Variants in DMXL1 observed in about 807,000 individuals in gnomAD.
The protein encoded by DMXL1 is dmX-like protein 1.
A neutral mutation model predicts 319.2 loss-of-function variants in DMXL1; 99 were observed. The observed-to-expected ratio is 0.31, with a 90% CI of 0.26 to 0.37. The LOEUF (loss-of-function observed/expected upper bound fraction) is 0.37, where lower values mean the gene tolerates loss of function less well. Among genes scored for constraint, DMXL1 ranks in the 10% least tolerant of loss-of-function variants. The pLI is 1.00. For missense variants in DMXL1, 3,745 were observed against 3,595.6 expected, an observed-to-expected ratio of 1.04 and a Z score of -1.06; for synonymous variants, 1,385 against 1,235.2, an observed-to-expected ratio of 1.12 and a Z score of -2.54.
Position 119,096,471 on chromosome 5 carries a change from C to T in DMXL1, c.88-1508C>T, listed in dbSNP as rs566492630. ...GATTACAGGCATGAGCCACCATGCC[C>T]AGCCTGAAGTATAATTTTTAAATAT... On this transcript the variant is annotated intron_variant, in intron 1 of 43. Coordinates refer to ENST00000539542, the MANE Select transcript of DMXL1 (RefSeq NM_001290321.3). Among the ~76,000 whole-genome samples, 3 of 152,274 alleles carry T rather than the reference C, an allele frequency of 2.0e-5. No individual in the cohort carries two copies. In the East Asian group the frequency reaches 5.8e-4, roughly 29 times the overall value.
At chr5:119,195,137 A>C (rs1292695802) in intron 30 of DMXL1, among the ~76,000 whole-genome samples, 3 of 152,304 alleles carry the variant, frequency 2.0e-5, no homozygotes, top group East Asian at 3.9e-4. Flanking sequence ...ATCTTTGTGC[A>C]CTTTTGGTGG....
At chr5:119,191,546 G>A (rs966197255) in intron 29 of DMXL1, among the ~76,000 whole-genome samples, 3 of 152,066 alleles carry the variant, frequency 2.0e-5, no homozygotes, top group African/African-American at 7.3e-5. Flanking sequence ...GGAGAGTTTT[G>A]CTGGATATAG....
At chr5:119,150,505 T>G (rs970489255) in intron 18 of DMXL1, 84 bp downstream of exon 18, 2 of 1,423,152 alleles carry the variant, frequency 1.4e-6, no homozygotes, top group South Asian at 3.0e-5. Flanking sequence ...AATGATGCCA[T>G]TGGCTAGGCA....
intron 28 of DMXL1, among the ~76,000 whole-genome samples, chr5:119,185,777 A>T (rs1777604061): frequency 6.6e-6 from 1 of 152,022 alleles, no homozygotes; most frequent in Non-Finnish European, 1.5e-5. Flanking sequence ...TGCTGGGATT[A>T]CAGGCATGAT....
chr5:119,107,167 T>C (rs1758537750), intron 4 of DMXL1, among the ~76,000 whole-genome samples: 1 of 151,946 alleles, frequency 6.6e-6, no homozygotes, highest in Non-Finnish European at 1.5e-5. Context: ...GGAGACTCCA[T>C]CTCTACAAAA....
intron 13 of DMXL1, among the ~76,000 whole-genome samples, chr5:119,140,788 G>T (rs958515774): frequency 1.3e-5 from 2 of 151,940 alleles, no homozygotes; most frequent in African/African-American, 4.8e-5. Context: ...CCAAAACCTG[G>T]CAGACACACA....
intron 14 of DMXL1, 60 bp downstream of exon 14, chr5:119,143,990 T>C: frequency 9.5e-7 from 1 of 1,054,226 alleles, no homozygotes; most frequent in Non-Finnish European, 1.4e-6. Context: ...GCATTTTGCA[T>C]AAAATCTATA....
At chr5:119,145,330 T>G (rs1768272719) in intron 15 of DMXL1, among the ~76,000 whole-genome samples, 1 of 151,784 alleles carries the variant, frequency 6.6e-6, no homozygotes, top group South Asian at 2.1e-4. Flanking sequence ...CATTTTTCTT[T>G]TATGAGAAGT....
intron 19 of DMXL1, among the ~76,000 whole-genome samples, chr5:119,152,837 G>A (rs577319699): frequency 1.3e-5 from 2 of 152,114 alleles, no homozygotes; most frequent in Non-Finnish European, 2.9e-5. Context: ...TAGCCTTTTA[G>A]CCTCTGCTCC....
chr5:119,133,777 A>G lies in DMXL1; in HGVS notation c.1853A>G (p.Glu618Gly), dbSNP rs764458029. 1 of 1,614,116 alleles carries G rather than the reference A, an allele frequency of 6.2e-7. No individual in the cohort carries two copies. Residue 618 changes from glutamate to glycine, a missense_variant, in exon 12 of 44, where the codon GAA becomes GGA. Coordinates refer to ENST00000539542, the MANE Select transcript of DMXL1 (RefSeq NM_001290321.3). ...LNQWLVSFAEESAFSTVLSIS... is the reference protein window; with the variant it reads ...LNQWLVSFAEGSAFSTVLSIS... ...CAGTGGCTGGTCAGTTTTGCCGAGG[A>G]ATCTGCTTTTTCTACTGTTCTCAGT...
intron 26 of DMXL1, among the ~76,000 whole-genome samples, chr5:119,176,020 C>A (rs73242978): frequency 0.085 from 12,956 of 151,988 alleles, 1,711 homozygotes; most frequent in African/African-American, 0.28. Context: ...TAACTTTCCC[C>A]TCCTATATTC....
intron 1 of DMXL1, 21 bp downstream of exon 1, chr5:119,071,677 C>G: frequency 1.9e-6 from 3 of 1,565,492 alleles, no homozygotes; most frequent in Non-Finnish European, 1.7e-6. Flanking sequence ...GAGGCCCTCG[C>G]GTCGCCCGTG....
intron 5 of DMXL1, 37 bp downstream of exon 5, chr5:119,110,320 G>T (rs1580752818): frequency 6.8e-7 from 1 of 1,477,042 alleles, no homozygotes; most frequent in African/African-American, 1.5e-5. Context: ...TGATAAACCT[G>T]TTGTTCTATG....
intron 13 of DMXL1, 64 bp downstream of exon 13, chr5:119,134,453 A>G: frequency 1.5e-6 from 2 of 1,358,152 alleles, no homozygotes; most frequent in Middle Eastern, 2.6e-4. Context: ...GTTTATATTT[A>G]TTGGGCATGT....
At chr5:119,202,885 T>TATATATATATATATATATATTTATA (rs1554139437) in intron 32 of DMXL1, among the ~76,000 whole-genome samples, 2 of 130,792 alleles carry the variant, frequency 1.5e-5, no homozygotes, top group Admixed American at 8.0e-5. Flanking sequence ...ATATATATTT[T>TATATATATATATATATATATTTATA]TATATATATA....
intron 25 of DMXL1, among the ~76,000 whole-genome samples, chr5:119,173,852 A>G (rs1342891114): frequency 6.9e-6 from 1 of 145,772 alleles, no homozygotes; most frequent in East Asian, 2.1e-4. Flanking sequence ...GGAGGCTGAA[A>G]AGTCCCAAGA....
chr5:119,164,256 G>A lies in DMXL1; in HGVS notation c.4703-251G>A, dbSNP rs377250249. Among the ~76,000 whole-genome samples the A allele has an allele frequency of 1.1e-3, 160 of 152,226 alleles. 2 individuals carry two copies. Among genetic ancestry groups the A allele is most frequent in the African/African-American group, 3.6e-3 (151 of 41,540 alleles). On this transcript the variant is annotated intron_variant, in intron 19 of 43. Coordinates refer to ENST00000539542, the MANE Select transcript of DMXL1 (RefSeq NM_001290321.3). ...AAAGGATCCGAAATACATCAGCACA[G>A]TGGAATTTGCCATAAGCATTTTTTC...
chr5:119,178,366 A>G (rs1486677000), intron 28 of DMXL1, 122 bp downstream of exon 28: 1 of 1,129,882 alleles, frequency 8.9e-7, no homozygotes, highest in African/African-American at 1.6e-5. Flanking sequence ...TGCGAAAAGC[A>G]TAAACAAATA....
chr5:119,182,247 A>G (rs993433607), intron 28 of DMXL1, among the ~76,000 whole-genome samples: 5 of 152,188 alleles, frequency 3.3e-5, no homozygotes, highest in African/African-American at 1.2e-4. Flanking sequence ...TGTATTTAAA[A>G]TTTTTTATCT....
Sources: allele counts gnomAD v4.1 joint callset (sites outside exome capture counted in the v4.1 genomes callset), GRCh38; gene constraint gnomAD v4.1.1; transcripts MANE v1.5; gene names NCBI Gene and HGNC (gene_info 2026-07-23, HGNC 2026-07-21).